The following RCSD1 variants were observed in gnomAD, a reference collection of about 807,000 sequenced individuals.
The protein encoded by RCSD1 is capZ-interacting protein.
In RCSD1, 26 loss-of-function variants were observed where a neutral mutation model predicts 42.5. The observed-to-expected ratio is 0.61, with a 90% CI of 0.45 to 0.85. RCSD1 has a LOEUF of 0.85. Among genes scored for constraint, RCSD1 ranks in the 40% least tolerant of loss-of-function variants. The pLI, the probability that RCSD1 is intolerant of heterozygous loss-of-function variation, is 0.00. For synonymous variants in RCSD1, 220 were observed against 212.2 expected (o/e 1.04, Z -0.32); for missense variants, 571 against 528.3 (o/e 1.08, Z -0.79).
At chr1:167,703,478 AC>A (rs1365646206) in intron 6 of RCSD1, among the ~76,000 whole-genome samples, 1 of 152,100 alleles carries the variant, frequency 6.6e-6, no homozygotes, top group Non-Finnish European at 1.5e-5. Context: ...ACATGGCACA[AC>A]CCCATCTCTA....
In RCSD1 at chr1:167,706,631, A is replaced by C. The variant is rs1306880781; in HGVS notation, c.*1935A>C. Among the ~76,000 whole-genome samples the C allele has an allele frequency of 6.6e-6, 1 of 152,160 alleles. No individual in the cohort carries two copies. Among genetic ancestry groups the C allele is most frequent in the Non-Finnish European group, 1.5e-5 (1 of 68,020 alleles). On this transcript the variant is annotated 3_prime_UTR_variant, in exon 7 of 7. Coordinates refer to ENST00000367854, the MANE Select transcript of RCSD1 (RefSeq NM_052862.4). ...ACATTGCGGCACCATGCTTGTGGGCATCAGAATACCTTTCTATCCCCCAAG... is the reference window on the plus strand; with the variant it reads ...ACATTGCGGCACCATGCTTGTGGGCCTCAGAATACCTTTCTATCCCCCAAG...
chr1:167,702,627 A>C (rs529440532), intron 6 of RCSD1, among the ~76,000 whole-genome samples: 5 of 152,186 alleles, frequency 3.3e-5, no homozygotes, highest in African/African-American at 7.2e-5. Context: ...AAAAATACAA[A>C]AATTAGCCAG....
At chr1:167,702,916 G>A (rs996233364) in intron 6 of RCSD1, among the ~76,000 whole-genome samples, 3 of 152,130 alleles carry the variant, frequency 2.0e-5, no homozygotes, top group African/African-American at 4.8e-5. Context: ...AAAGACATTC[G>A]AAATATTTGG....
At chr1:167,694,778 G>A (rs1185785635) in intron 5 of RCSD1, among the ~76,000 whole-genome samples, 1 of 152,204 alleles carries the variant, frequency 6.6e-6, no homozygotes, top group Non-Finnish European at 1.5e-5. Context: ...TCTTCCTGCA[G>A]CTTGCCCCAG....
At chr1:167,658,242 AT>A (rs1658464557) in intron 1 of RCSD1, among the ~76,000 whole-genome samples, 1 of 152,186 alleles carries the variant, frequency 6.6e-6, no homozygotes, top group Non-Finnish European at 1.5e-5. Flanking sequence ...GATACTTTAC[AT>A]TCACATAACT....
At position 167,666,469 on chromosome 1, in the gene RCSD1, A is replaced by G. The variant is rs527578864; in HGVS notation, c.7-17431A>G. On this transcript the variant is annotated intron_variant, in intron 1 of 6. Coordinates refer to ENST00000367854, the MANE Select transcript of RCSD1 (RefSeq NM_052862.4). ...ACTCATTCAAAACCAGTTTCTAAAG[A>G]GAGACAGTGAGCAGGAAGGAAGTGT... Among the ~76,000 whole-genome samples the G allele has an allele frequency of 2.6e-5, 4 of 152,338 alleles. No individual in the cohort carries two copies. The East Asian group carries it at 7.7e-4, about 29-fold the overall frequency.
At chr1:167,670,679 C>G (rs1258556025) in intron 1 of RCSD1, among the ~76,000 whole-genome samples, 1 of 152,208 alleles carries the variant, frequency 6.6e-6, no homozygotes, top group Non-Finnish European at 1.5e-5. Context: ...GGGCCCTCCA[C>G]TCTGGCAACT....
chr1:167,701,273 T>TTTCTTTCTTTCTTTCTTTC (rs1659633196), intron 6 of RCSD1, among the ~76,000 whole-genome samples: 1 of 139,474 alleles, frequency 7.2e-6, no homozygotes, highest in Non-Finnish European at 1.5e-5. Flanking sequence ...TCTTTCTTTC[T>TTTCTTTCTTTCTTTCTTTC]TTCTTTCTTT....
chr1:167,700,119 T>C (rs989985368), intron 6 of RCSD1, among the ~76,000 whole-genome samples: 1 of 152,188 alleles, frequency 6.6e-6, no homozygotes, highest in African/African-American at 2.4e-5. Flanking sequence ...GTTGAGTGAA[T>C]GAATGGATTT....
rs1038004613 is a variant in RCSD1, at chr1:167,707,319, G to A, written c.*2623G>A. ...GTCAAAGAAATAAATGCGTGAAAAG[G>A]CAACCAGTTCATCATCTTATGATTA... On this transcript the variant is annotated 3_prime_UTR_variant, in exon 7 of 7. Transcript: ENST00000367854. 1.3e-5 allele frequency among the ~76,000 whole-genome samples: 2 copies of A among 152,234 alleles called. No individual in the cohort carries two copies. Among genetic ancestry groups the A allele is most frequent in the Non-Finnish European group, 2.9e-5 (2 of 68,036 alleles).
intron 1 of RCSD1, among the ~76,000 whole-genome samples, chr1:167,635,368 C>T (rs1481513971): frequency 6.6e-6 from 1 of 152,208 alleles, no homozygotes; most frequent in African/African-American, 2.4e-5. Context: ...GGCCCCCACT[C>T]AGCAGACATC....
At chr1:167,677,187 C>A (rs1658972837) in intron 1 of RCSD1, among the ~76,000 whole-genome samples, 1 of 151,648 alleles carries the variant, frequency 6.6e-6, no homozygotes, top group Admixed American at 6.6e-5. Flanking sequence ...GTATTCTCCT[C>A]ACCCCTGAAA....
Position 167,690,070 on chromosome 1 carries a change from C to A in RCSD1, c.220C>A (p.His74Asn). 1 of 1,614,146 alleles carries A rather than the reference C, an allele frequency of 6.2e-7. No homozygotes were observed. The highest frequency in any genetic ancestry group is 8.5e-7 in the Non-Finnish European group (1 of 1,180,028). The change falls in exon 4 of 7, where the codon CAC (histidine) becomes AAC (asparagine). Residue 74 changes from histidine (H) to asparagine (N), a missense_variant. His to Asn is a moderately conservative substitution (Grantham distance 68, BLOSUM62 1). Transcript: ENST00000367854. ...ATAGAAATCACCACCCAATGCGAGC[C>A]ACCCTCCTAAATTCAAGGTCAAGAG... Reference protein sequence around the residue: ...GEEKSPPNASHPPKFKVKSSP... With the variant: ...GEEKSPPNASNPPKFKVKSSP...
At chr1:167,651,814 G>A (rs958841102) in intron 1 of RCSD1, among the ~76,000 whole-genome samples, 4 of 152,146 alleles carry the variant, frequency 2.6e-5, no homozygotes, top group Non-Finnish European at 5.9e-5. Context: ...AGGGTGGGAT[G>A]AGCCTCTGAT....
chr1:167,704,555 A>T, intron 6 of RCSD1, 109 bp from the exon 7 acceptor site: 1 of 903,756 alleles, frequency 1.1e-6, no homozygotes. Flanking sequence ...TCTTACTATT[A>T]CTCCTACTGT....
intron 6 of RCSD1, among the ~76,000 whole-genome samples, chr1:167,699,530 T>G (rs1659590346): frequency 6.6e-6 from 1 of 152,208 alleles, no homozygotes; most frequent in Admixed American, 6.5e-5. Flanking sequence ...CCTTTCACTG[T>G]TACTGTGTGT....
rs139579724 is a variant in RCSD1 at position 167,704,491 on chromosome 1, A to G, written c.1219-173A>G. Among the ~76,000 whole-genome samples the G allele has an allele frequency of 8.1e-3, 1,178 of 145,828 alleles. 12 individuals are homozygous for G. Among genetic ancestry groups the G allele is most frequent in the Admixed American group, 0.014 (202 of 14,556 alleles). Reference sequence around the variant, plus strand: ...ATATTGCTTTTGTGAGGATTAAATAAGTCAATGCATAAAAAAAACTAAGTT... The same window carrying G: ...ATATTGCTTTTGTGAGGATTAAATAGGTCAATGCATAAAAAAAACTAAGTT... On this transcript the variant is annotated intron_variant, in intron 6 of 6. Coordinates refer to ENST00000367854, the MANE Select transcript of RCSD1 (RefSeq NM_052862.4).
chr1:167,682,800 CA>C (rs1659114123), intron 1 of RCSD1, among the ~76,000 whole-genome samples: 1 of 151,990 alleles, frequency 6.6e-6, no homozygotes, highest in Admixed American at 6.6e-5. Flanking sequence ...CTTTCTCAGA[CA>C]AACTGCTGCC....
intron 1 of RCSD1, among the ~76,000 whole-genome samples, chr1:167,662,144 G>A (rs1438104978): frequency 6.6e-6 from 1 of 152,164 alleles, no homozygotes; most frequent in African/African-American, 2.4e-5. Flanking sequence ...GACCCTTCCT[G>A]CTTCAGAACC....
Sources: allele counts gnomAD v4.1 joint callset (sites outside exome capture counted in the v4.1 genomes callset), GRCh38; gene constraint gnomAD v4.1.1; transcripts MANE v1.5; gene names NCBI Gene and HGNC (gene_info 2026-07-23, HGNC 2026-07-21).